The following RBFOX2 variants were observed in gnomAD, a reference collection of about 807,000 sequenced individuals.
RBFOX2 encodes RNA binding protein fox-1 homolog 2.
In RBFOX2, 10 loss-of-function variants were observed where a neutral mutation model predicts 49.1. The ratio of observed to expected loss-of-function variants is 0.20; its 90% CI spans 0.13 to 0.35. The LOEUF is 0.35. RBFOX2 is among the 10% of genes least tolerant of loss of function. The probability of loss-of-function intolerance (pLI) is 1.00; values close to 1 mark genes in which losing one functional copy is unlikely to be tolerated. For missense variants in RBFOX2, 323 were observed against 486.9 expected (o/e 0.66, Z 3.17); for synonymous variants, 183 against 187.4 (o/e 0.98, Z 0.19).
At chr22:35,861,011 G>C (rs2043036617) in intron 1 of RBFOX2, among the ~76,000 whole-genome samples, 1 of 152,140 alleles carries the variant, frequency 6.6e-6, no homozygotes. Context: ...TGTCAAGAGA[G>C]AAAAATAGAT....
chr22:36,006,049 C>A (rs181005482), intron 1 of RBFOX2, among the ~76,000 whole-genome samples: 12 of 152,290 alleles, frequency 7.9e-5, no homozygotes, highest in African/African-American at 2.6e-4. Flanking sequence ...AAGAGAAATT[C>A]TCTCCTTAAT....
intron 1 of RBFOX2, among the ~76,000 whole-genome samples, chr22:35,860,485 A>C (rs1211643051): frequency 3.3e-5 from 5 of 152,238 alleles, no homozygotes; most frequent in Non-Finnish European, 7.3e-5. Flanking sequence ...ACACTTTGTT[A>C]AGCTATTAAG....
chr22:35,769,202 A>T (rs1210741171), intron 4 of RBFOX2, among the ~76,000 whole-genome samples: 1 of 151,058 alleles, frequency 6.6e-6, no homozygotes, highest in East Asian at 1.9e-4. Flanking sequence ...AGAAAAAAGG[A>T]ACAGTCAACA....
chr22:35,910,746 G>A (rs924805366), intron 1 of RBFOX2, among the ~76,000 whole-genome samples: 4 of 152,118 alleles, frequency 2.6e-5, no homozygotes, highest in South Asian at 2.1e-4. Flanking sequence ...CTGAACTAGC[G>A]GAAAAAAACT....
intron 1 of RBFOX2, among the ~76,000 whole-genome samples, chr22:35,865,864 A>G (rs865972998): frequency 3.3e-5 from 5 of 152,184 alleles, no homozygotes; most frequent in Non-Finnish European, 7.4e-5. Flanking sequence ...GTTGTTCTTT[A>G]GCTAAAAAAA....
chr22:36,024,635 G>T (rs2059363293), intron 1 of RBFOX2, among the ~76,000 whole-genome samples: 1 of 151,672 alleles, frequency 6.6e-6, no homozygotes, highest in Admixed American at 6.6e-5. Context: ...CAGCTACTCA[G>T]GAGGCTGAGG....
chr22:35,926,586 T>C (rs1056195260), intron 1 of RBFOX2, among the ~76,000 whole-genome samples: 1 of 151,956 alleles, frequency 6.6e-6, no homozygotes, highest in African/African-American at 2.4e-5. Flanking sequence ...CCAGCAACCC[T>C]AAACTAAGCA....
intron 2 of RBFOX2, among the ~76,000 whole-genome samples, chr22:35,798,382 T>C (rs1949160527): frequency 1.3e-5 from 2 of 152,248 alleles, no homozygotes. Context: ...ACATGACAAG[T>C]ATATATAAAA....
intron 1 of RBFOX2, chr22:35,836,420 G>GAA (rs977768420): frequency 2.6e-5 from 4 of 152,266 alleles, no homozygotes; most frequent in African/African-American, 4.8e-5. Flanking sequence ...CAGCTCAGGT[G>GAA]AAAGACTTCA....
intron 1 of RBFOX2, among the ~76,000 whole-genome samples, chr22:35,860,040 TA>T (rs1387172329): frequency 6.6e-6 from 1 of 152,252 alleles, no homozygotes; most frequent in Non-Finnish European, 1.5e-5. Context: ...TAATAACTTT[TA>T]TCTCAACTAA....
At chr22:35,904,604 T>C (rs1030648260) in intron 1 of RBFOX2, among the ~76,000 whole-genome samples, 1 of 152,188 alleles carries the variant, frequency 6.6e-6, no homozygotes, top group Non-Finnish European at 1.5e-5. Flanking sequence ...TGTGAAATAA[T>C]CATAACGTCA....
chr22:36,028,242 G>A lies in RBFOX2; in HGVS notation c.184C>T (p.Gln62Ter). The change falls in exon 1 of 14, where the codon CAG becomes TAG. Residue 62 changes from glutamine to a stop codon, truncating the protein, a stop_gained and splice_region_variant. Transcript: ENST00000438146. LOFTEE classifies it high-confidence loss of function. ...GGCGCCCCGTCCCGCGCGGTCACCT[G>A]CATCCCGCCGCCACCGTCGGCCGCC... 4 of 1,520,666 alleles carry A rather than the reference G, an allele frequency of 2.6e-6. No homozygotes were observed. Among genetic ancestry groups the A allele is most frequent in the Admixed American group, 1.9e-5 (1 of 52,716 alleles). The allele number at this position is 1,520,666 out of a possible 1,614,324, so 94.2% of individuals were successfully genotyped here.
intron 1 of RBFOX2, among the ~76,000 whole-genome samples, chr22:35,816,979 T>C (rs2148348174): frequency 6.6e-6 from 1 of 152,254 alleles, no homozygotes; most frequent in South Asian, 2.1e-4. Flanking sequence ...CATGTCAAGA[T>C]CCTTTCCCCA....
intron 6 of RBFOX2, among the ~76,000 whole-genome samples, chr22:35,765,025 C>A (rs1368393637): frequency 1.3e-5 from 2 of 151,750 alleles, no homozygotes; most frequent in Non-Finnish European, 2.9e-5. Flanking sequence ...ATTTATTCCA[C>A]TTATGCTCAG....
At chr22:35,980,585 T>A (rs978126299) in intron 1 of RBFOX2, among the ~76,000 whole-genome samples, 3 of 140,286 alleles carry the variant, frequency 2.1e-5, no homozygotes, top group Non-Finnish European at 1.5e-5. Context: ...GGCTTTACCA[T>A]CAATTAGGTG....
At chr22:35,968,520 G>A (rs2056693452) in intron 1 of RBFOX2, among the ~76,000 whole-genome samples, 1 of 152,096 alleles carries the variant, frequency 6.6e-6, no homozygotes, top group South Asian at 2.1e-4. Flanking sequence ...AGAAGATCTT[G>A]AGCTAAGGTA....
intron 1 of RBFOX2, among the ~76,000 whole-genome samples, chr22:35,985,911 GA>G (rs2057695843): frequency 3.3e-5 from 1 of 29,858 alleles, no homozygotes; most frequent in Non-Finnish European, 9.0e-5. Context: ...TGGATAGATA[GA>G]TAGATAGATA....
At chr22:35,893,629 C>CA (rs774603816) in intron 1 of RBFOX2, among the ~76,000 whole-genome samples, 3 of 151,668 alleles carry the variant, frequency 2.0e-5, no homozygotes, top group Non-Finnish European at 2.9e-5. Context: ...ACAAATACTA[C>CA]AAAAAAAATC....
chr22:35,980,600 T>C (rs2057406916), intron 1 of RBFOX2, among the ~76,000 whole-genome samples: 1 of 147,186 alleles, frequency 6.8e-6, no homozygotes, highest in African/African-American at 2.5e-5. Flanking sequence ...TAGGTGAAAA[T>C]TAAGCGGTTT....
Sources: allele counts gnomAD v4.1 joint callset (sites outside exome capture counted in the v4.1 genomes callset), GRCh38; gene constraint gnomAD v4.1.1; transcripts MANE v1.5; gene names NCBI Gene and HGNC (gene_info 2026-07-23, HGNC 2026-07-21).